The following ATP6V1E1 variants were observed in gnomAD, a reference collection of about 807,000 sequenced individuals.
ATP6V1E1 encodes ATPase H+ transporting V1 subunit E1.
A neutral mutation model predicts 35.2 loss-of-function variants in ATP6V1E1; 21 were observed. The observed-to-expected ratio is 0.60, with a 90% CI of 0.42 to 0.86. The LOEUF (loss-of-function observed/expected upper bound fraction) is 0.86, where lower values mean the gene tolerates loss of function less well. ATP6V1E1 is among the 40% of genes least tolerant of loss of function. The probability of loss-of-function intolerance (pLI) is 0.00; values close to 1 mark genes in which losing one functional copy is unlikely to be tolerated. For synonymous variants in ATP6V1E1, 83 were observed against 87.8 expected, an observed-to-expected ratio of 0.95 and a Z score of 0.30; for missense variants, 183 against 272.6, an observed-to-expected ratio of 0.67 and a Z score of 2.32.
chr22:17,596,670 G>A (rs892283160), intron 7 of ATP6V1E1, among the ~76,000 whole-genome samples: 6 of 151,950 alleles, frequency 3.9e-5, no homozygotes, highest in African/African-American at 7.3e-5. Context: ...CTGAATAAAC[G>A]AGTCCAAGAT....
chr22:17,610,598 T>C (rs943946737), intron 4 of ATP6V1E1, among the ~76,000 whole-genome samples: 2 of 152,260 alleles, frequency 1.3e-5, no homozygotes, highest in African/African-American at 2.4e-5. Flanking sequence ...TTGTGTGTTA[T>C]AGCCCTTGCT....
At chr22:17,616,043 A>C (rs1015253987) in intron 2 of ATP6V1E1, among the ~76,000 whole-genome samples, 1 of 149,238 alleles carries the variant, frequency 6.7e-6, no homozygotes, top group African/African-American at 2.5e-5. Flanking sequence ...AAAAACAAAC[A>C]AACAAACAAA....
At chr22:17,597,451 C>T (rs1029882583) in intron 7 of ATP6V1E1, among the ~76,000 whole-genome samples, 1 of 151,826 alleles carries the variant, frequency 6.6e-6, no homozygotes, top group Non-Finnish European at 1.5e-5. Context: ...ATAAAAATAC[C>T]ACTCATACTT....
rs562363665 is a variant in ATP6V1E1, at chr22:17,604,943, C to T, written c.277-3762G>A. On this transcript the variant is annotated intron_variant, in intron 4 of 8. Transcript: ENST00000253413. ...TTAAAAAAGAAAACTTGGCTGGGTG[C>T]GGTTGCTCACGCCTGTAATCTCAGC... Among the ~76,000 whole-genome samples, 10 of 152,076 alleles carry T rather than the reference C, an allele frequency of 6.6e-5. No homozygotes were observed. The South Asian group carries it at 8.3e-4, about 13-fold the overall frequency.
Position 17,598,177 on chromosome 22 carries a change from G to A in ATP6V1E1, c.530+17C>T, listed in dbSNP as rs1367520851. 6.3e-7 allele frequency: 1 copy of A among 1,590,654 alleles called. No homozygotes were observed. Among genetic ancestry groups the A allele is most frequent in the African/African-American group, 1.3e-5 (1 of 74,332 alleles). On this transcript the variant is annotated intron_variant, in intron 7 of 8. Coordinates refer to ENST00000253413, the MANE Select transcript of ATP6V1E1 (RefSeq NM_001696.4). ...CAGGGAGAGAAGGTAGCTGTTAGCAGCAGGAATACTCCTTACATGTCTTCA... is the reference window on the plus strand; with the variant it reads ...CAGGGAGAGAAGGTAGCTGTTAGCAACAGGAATACTCCTTACATGTCTTCA...
intron 2 of ATP6V1E1, among the ~76,000 whole-genome samples, chr22:17,614,130 C>A (rs1372604774): frequency 6.6e-6 from 1 of 152,094 alleles, no homozygotes; most frequent in Non-Finnish European, 1.5e-5. Flanking sequence ...GCAGACAGAT[C>A]ACCTAAGGTC....
chr22:17,601,301 T>C, intron 4 of ATP6V1E1, 120 bp from the exon 5 acceptor site: 1 of 729,528 alleles, frequency 1.4e-6, no homozygotes, highest in Non-Finnish European at 2.3e-6. Flanking sequence ...GGATTTTCAT[T>C]CAACACACAT....
In ATP6V1E1 at chr22:17,594,619, GC is replaced by G. The variant is rs2057721930; in HGVS notation, c.531-4del. 2.0e-6 allele frequency: 3 copies of G among 1,515,076 alleles called. No individual in the cohort carries two copies. The highest frequency in any genetic ancestry group is 4.4e-5 in the Admixed American group (2 of 45,252). The allele number at this position is 1,515,076 out of a possible 1,614,324, so 93.9% of individuals were successfully genotyped here. A position where few individuals can be genotyped will look rare whatever the true frequency, so the allele number is the denominator to read the frequency against. ...TATAGATCTCAACTCCACCAGCTCT[GC>G]AAAAAAAAAAGCACAGGAAATAATC... On this transcript the variant is annotated splice_polypyrimidine_tract_variant and splice_region_variant and intron_variant, in intron 7 of 8. Coordinates refer to ENST00000253413, the MANE Select transcript of ATP6V1E1 (RefSeq NM_001696.4).
Position 17,622,466 on chromosome 22 carries a change from T to C in ATP6V1E1, c.34-2940A>G, listed in dbSNP as rs554779060. Among the ~76,000 whole-genome samples the C allele has an allele frequency of 3.1e-4, 47 of 152,216 alleles. No homozygotes were observed. In the South Asian group the frequency reaches 9.3e-3, roughly 30 times the overall value. ...AGATATCATAAATCTTAAGTATACA[T>C]AGGTGTACCAAAACGAATTAAGAAA... On this transcript the variant is annotated intron_variant, in intron 1 of 8. Transcript: ENST00000253413.
In ATP6V1E1 at chr22:17,613,212, T is replaced by C. The variant is rs1390039015; in HGVS notation, c.208A>G (p.Ile70Val). 1 of 1,610,114 alleles carries C rather than the reference T, an allele frequency of 6.2e-7. No homozygotes were observed. The highest frequency in any genetic ancestry group is 1.3e-5 in the African/African-American group (1 of 74,886). ...ATACTGCAACCAGGATCTACTTACA[T>C]TTTCTTCTGCTGCTCAATCTGTTTC... ...KEKQIEQQKK[I>V]QMSNLMNQAR... The change falls in exon 3 of 9, where the codon ATT (isoleucine) becomes GTT (valine). Residue 70 changes from isoleucine to valine, a missense_variant and splice_region_variant. Transcript: ENST00000253413.
chr22:17,606,814 C>T (rs1295264067), intron 4 of ATP6V1E1, among the ~76,000 whole-genome samples: 1 of 152,198 alleles, frequency 6.6e-6, no homozygotes, highest in Non-Finnish European at 1.5e-5. Context: ...AATCCAAAGA[C>T]CACCATGCTC....
At chr22:17,600,929 A>G in intron 5 of ATP6V1E1, 163 bp downstream of exon 5, 1 of 524,320 alleles carries the variant, frequency 1.9e-6, no homozygotes, top group Non-Finnish European at 3.3e-6. Context: ...CATTTTAGAT[A>G]TGGTCAAGAG....
Position 17,592,388 on chromosome 22 carries a change from A to G in ATP6V1E1, c.*286T>C. The G allele has an allele frequency of 2.3e-6, 1 of 431,636 alleles. No individual in the cohort carries two copies. Among genetic ancestry groups the G allele is most frequent in the Non-Finnish European group, 4.3e-6 (1 of 235,226 alleles). 26.7% of individuals were successfully genotyped at this position (431,636 alleles called of 1,614,324 possible). On this transcript the variant is annotated 3_prime_UTR_variant, in exon 9 of 9. Transcript: ENST00000253413. ...GCCAGACGGAGAGTGGAGACCCAGG[A>G]AGCCCATGCAACCACCATCTGCCCC...
intron 4 of ATP6V1E1, among the ~76,000 whole-genome samples, chr22:17,609,793 A>G (rs1420261923): frequency 6.6e-6 from 1 of 151,888 alleles, no homozygotes; most frequent in Non-Finnish European, 1.5e-5. Context: ...AATATCCTCC[A>G]CCTCAAAATT....
At chr22:17,607,932 C>T (rs1043263942) in intron 4 of ATP6V1E1, among the ~76,000 whole-genome samples, 5 of 152,136 alleles carry the variant, frequency 3.3e-5, no homozygotes, top group Admixed American at 3.3e-4. Context: ...TAATTAGACC[C>T]TAATATGTGG....
intron 7 of ATP6V1E1, among the ~76,000 whole-genome samples, chr22:17,595,885 C>CT (rs1325664949): frequency 2.6e-5 from 4 of 152,026 alleles, no homozygotes; most frequent in African/African-American, 9.7e-5. Flanking sequence ...AATCCCAGCT[C>CT]TTTGAGAGGC....
intron 4 of ATP6V1E1, among the ~76,000 whole-genome samples, chr22:17,610,641 C>T (rs2057810846): frequency 6.6e-6 from 1 of 152,234 alleles, no homozygotes; most frequent in African/African-American, 2.4e-5. Flanking sequence ...AAGACATTAA[C>T]ATTACATGCC....
chr22:17,600,167 G>T, intron 5 of ATP6V1E1, 72 bp from the exon 6 acceptor site: 1 of 1,380,112 alleles, frequency 7.2e-7, no homozygotes, highest in Non-Finnish European at 1.0e-6. Flanking sequence ...GGGCACAGTG[G>T]CTCAGGTCTG....
In ATP6V1E1 at chr22:17,628,728, A is replaced by C; in HGVS notation, c.-93T>G. ...ATCGGCAAAGGGAACCCCTGCGCAG[A>C]TCTCGGGTTCCTTTACTTTATAACC... On this transcript the variant is annotated 5_prime_UTR_variant, in exon 1 of 9. Coordinates refer to ENST00000253413, the MANE Select transcript of ATP6V1E1 (RefSeq NM_001696.4). 6.4e-7 allele frequency: 1 copy of C among 1,551,978 alleles called. No homozygotes were observed. Among genetic ancestry groups the C allele is most frequent in the Non-Finnish European group, 8.9e-7 (1 of 1,124,544 alleles).
Sources: allele counts gnomAD v4.1 joint callset (sites outside exome capture counted in the v4.1 genomes callset), GRCh38; gene constraint gnomAD v4.1.1; transcripts MANE v1.5; gene names NCBI Gene and HGNC (gene_info 2026-07-23, HGNC 2026-07-21).